RNGTT: variants seen among roughly 807,000 people sequenced by gnomAD.
The protein encoded by RNGTT is RNA guanylyltransferase and 5'-phosphatase, also known as mRNA-capping enzyme.
RNGTT carries 33 observed loss-of-function variants against 79.3 expected under a neutral mutation model. The observed-to-expected ratio is 0.42, with a 90% confidence interval of 0.32 to 0.56. The LOEUF (loss-of-function observed/expected upper bound fraction) is 0.56. RNGTT is among the 20% of genes least tolerant of loss of function. The probability of loss-of-function intolerance (pLI) is 0.17; values close to 1 mark genes in which losing one functional copy is unlikely to be tolerated. For synonymous variants in RNGTT, 222 were observed against 235.9 expected, an observed-to-expected ratio of 0.94 and a Z score of 0.54; for missense variants, 497 against 739.1, an observed-to-expected ratio of 0.67 and a Z score of 3.80.
intron 14 of RNGTT, among the ~76,000 whole-genome samples, chr6:88,659,589 A>G (rs757803735): frequency 3.3e-5 from 5 of 150,292 alleles, no homozygotes; most frequent in South Asian, 4.1e-4. Flanking sequence ...CCAATCAGAC[A>G]AAGACAAAGA....
intron 1 of RNGTT, among the ~76,000 whole-genome samples, chr6:88,960,957 G>C (rs953819338): frequency 6.6e-6 from 1 of 152,190 alleles, no homozygotes; most frequent in Non-Finnish European, 1.5e-5. Context: ...GTGTCAACTC[G>C]ATTGGATTGA....
chr6:88,630,643 TC>T (rs1350562144), intron 14 of RNGTT, among the ~76,000 whole-genome samples: 1 of 151,754 alleles, frequency 6.6e-6, no homozygotes, highest in Non-Finnish European at 1.5e-5. Flanking sequence ...GTTAAACAGC[TC>T]TGAGTTAAAC....
At chr6:88,845,470 G>A (rs1781455130) in intron 10 of RNGTT, among the ~76,000 whole-genome samples, 1 of 152,196 alleles carries the variant, frequency 6.6e-6, no homozygotes, top group Non-Finnish European at 1.5e-5. Context: ...TTATCTGGTT[G>A]ACAGTAACCA....
chr6:88,854,737 A>T (rs1781789175), intron 8 of RNGTT, among the ~76,000 whole-genome samples: 1 of 150,910 alleles, frequency 6.6e-6, no homozygotes, highest in Admixed American at 6.6e-5. Context: ...CAATCAACAT[A>T]TGGGGGAATT....
chr6:88,952,715 A>G (rs998565884), intron 1 of RNGTT, among the ~76,000 whole-genome samples: 5 of 152,234 alleles, frequency 3.3e-5, no homozygotes, highest in Admixed American at 2.6e-4. Context: ...GAGTCTACTT[A>G]CTGCCCTGCC....
At chr6:88,688,770 A>G (rs904102764) in intron 13 of RNGTT, among the ~76,000 whole-genome samples, 2 of 152,322 alleles carry the variant, frequency 1.3e-5, no homozygotes, top group African/African-American at 4.8e-5. Context: ...AGGTCCACTT[A>G]TACGCAGATT....
At chr6:88,835,860 C>CACAGT (rs1292885827) in intron 11 of RNGTT, among the ~76,000 whole-genome samples, 1 of 151,576 alleles carries the variant, frequency 6.6e-6, no homozygotes, top group African/African-American at 2.4e-5. Context: ...ATTAGCCAGG[C>CACAGT]ACAGTGGTAT....
chr6:88,723,640 TA>T (rs1374166353), intron 13 of RNGTT, among the ~76,000 whole-genome samples: 1 of 152,200 alleles, frequency 6.6e-6, no homozygotes, highest in Non-Finnish European at 1.5e-5. Context: ...CATTAAAAAT[TA>T]AAAATTTTGA....
At chr6:88,900,712 C>A (rs1783422025) in intron 6 of RNGTT, among the ~76,000 whole-genome samples, 2 of 146,570 alleles carry the variant, frequency 1.4e-5, no homozygotes, top group South Asian at 4.4e-4. Flanking sequence ...CCAGCTTGGG[C>A]CACAGAGAGA....
chr6:88,681,994 C>A (rs1482019128), intron 13 of RNGTT, among the ~76,000 whole-genome samples: 1 of 152,118 alleles, frequency 6.6e-6, no homozygotes, highest in African/African-American at 2.4e-5. Flanking sequence ...CAAACACAAA[C>A]ATTAACCAAT....
chr6:88,697,036 AGACT>A (rs976444800), intron 13 of RNGTT, among the ~76,000 whole-genome samples: 3 of 152,202 alleles, frequency 2.0e-5, no homozygotes, highest in Non-Finnish European at 4.4e-5. Context: ...GATCCCAGAA[AGACT>A]GACTGTTATA....
chr6:88,828,377 C>T (rs912086544), intron 11 of RNGTT, among the ~76,000 whole-genome samples: 2 of 152,136 alleles, frequency 1.3e-5, no homozygotes, highest in African/African-American at 4.8e-5. Flanking sequence ...CTCAGAAACC[C>T]CATCCGAAGG....
At chr6:88,796,484 T>C (rs1164571975) in intron 12 of RNGTT, among the ~76,000 whole-genome samples, 1 of 152,100 alleles carries the variant, frequency 6.6e-6, no homozygotes, top group Non-Finnish European at 1.5e-5. Flanking sequence ...AAGGAATAAA[T>C]AGCAAGGACA....
At chr6:88,764,989 G>A (rs1239405579) in intron 13 of RNGTT, among the ~76,000 whole-genome samples, 2 of 151,938 alleles carry the variant, frequency 1.3e-5, no homozygotes, top group African/African-American at 2.4e-5. Context: ...TCAGGAGATC[G>A]AGACCATCCT....
At chr6:88,940,949 C>G in intron 2 of RNGTT, 122 bp downstream of exon 2, 1 of 555,640 alleles carries the variant, frequency 1.8e-6, no homozygotes, top group South Asian at 2.8e-5. Context: ...TGTACAATTA[C>G]TGCAACTTCC....
intron 11 of RNGTT, among the ~76,000 whole-genome samples, chr6:88,841,302 A>T (rs1394360980): frequency 6.6e-6 from 1 of 152,226 alleles, no homozygotes; most frequent in East Asian, 1.9e-4. Context: ...TCATAATAAA[A>T]GTAGGATGAT....
chr6:88,686,263 T>C (rs1462243588), intron 13 of RNGTT, among the ~76,000 whole-genome samples: 1 of 151,848 alleles, frequency 6.6e-6, no homozygotes, highest in African/African-American at 2.4e-5. Flanking sequence ...TCAAACATTA[T>C]TGCAAGAAAT....
chr6:88,725,694 C>T (rs1776874003), intron 13 of RNGTT, among the ~76,000 whole-genome samples: 1 of 152,138 alleles, frequency 6.6e-6, no homozygotes, highest in South Asian at 2.1e-4. Context: ...GGTGAGAAAT[C>T]CCCATGAGTG....
At chr6:88,833,975 A>G (rs1412834058) in intron 11 of RNGTT, among the ~76,000 whole-genome samples, 1 of 152,194 alleles carries the variant, frequency 6.6e-6, no homozygotes, top group Non-Finnish European at 1.5e-5. Flanking sequence ...GAGCCGAGAT[A>G]GCACCAATGC....
Sources: gnomAD v4.1 joint callset for allele counts (sites outside exome capture counted in the v4.1 genomes callset) on GRCh38, gnomAD v4.1.1 for gene constraint, MANE v1.5 for transcripts, NCBI Gene and HGNC (gene_info 2026-07-23, HGNC 2026-07-21) for gene names.